The following ZIC4 variants were observed in gnomAD, a reference collection of about 807,000 sequenced individuals.
ZIC4 encodes the protein Zic family zinc finger 4, also known as zinc finger protein ZIC 4.
Under a neutral mutation model 28.8 loss-of-function variants are expected in ZIC4, and 15 were observed. The observed-to-expected ratio is 0.52, with a 90% confidence interval of 0.35 to 0.80. The LOEUF (loss-of-function observed/expected upper bound fraction) is 0.80. ZIC4 is among the 30% of genes least tolerant of loss of function. ZIC4 has a pLI of 0.01. For missense variants in ZIC4, 512 were observed against 467.1 expected, an observed-to-expected ratio of 1.10 and a Z score of -0.89; for synonymous variants, 220 against 198.1, an observed-to-expected ratio of 1.11 and a Z score of -0.93.
chr3:147,390,931 C>A lies in ZIC4; in HGVS notation c.1004G>T (p.Ter335LeuextTer15). 1 of 1,607,460 alleles carries A rather than the reference C, an allele frequency of 6.2e-7. No homozygotes were observed. The highest frequency in any genetic ancestry group is 1.1e-5 in the South Asian group (1 of 90,310). Residue 335 changes from the stop codon to leucine, a stop_lost and splice_region_variant, in exon 4 of 5, where the codon TGA (stop) becomes TTA (leucine). Coordinates refer to ENST00000383075, the MANE Select transcript of ZIC4 (RefSeq NM_032153.6). The part of the protein sequence containing the change: ...VAARTADLSE[*>L] Reference sequence around the variant, plus strand: ...GGGGCCCAAGCCCTGACACACGTACCATTCGCTCAAGTCGGCGGTACGCGC... The same window carrying A: ...GGGGCCCAAGCCCTGACACACGTACAATTCGCTCAAGTCGGCGGTACGCGC...
Position 147,396,315 on chromosome 3 carries a change from C to T in ZIC4, c.225G>A (p.Pro75=), listed in dbSNP as rs995387172. ...LGLPGDMYAR[P]EPFPPGPAAR... The stretch of plus-strand genomic sequence containing the variant: ...CCGCAGGCCCTGGCGGGAAGGGCTC[C>T]GGCCGCGCGTACATGTCTCCAGGGA... Residue 75 remains proline (P), a synonymous_variant, in exon 3 of 5, where the codon CCG becomes CCA. Coordinates refer to ENST00000383075, the MANE Select transcript of ZIC4 (RefSeq NM_032153.6). The surrounding 1 kb of genome is among the most constrained non-coding windows in gnomAD (Gnocchi z 4.2). 5 of 1,597,356 alleles carry T rather than the reference C, an allele frequency of 3.1e-6. No homozygotes were observed. The highest frequency in any genetic ancestry group is 2.2e-5 in the East Asian group (1 of 44,618).
At chr3:147,397,828 C>A (rs1287781520) in intron 2 of ZIC4, among the ~76,000 whole-genome samples, 2 of 152,306 alleles carry the variant, frequency 1.3e-5, no homozygotes, top group Admixed American at 6.5e-5. Flanking sequence ...TTTCCCTCAT[C>A]TTTCTGGTCC....
Position 147,396,435 on chromosome 3 carries a change from G to T in ZIC4, c.105C>A (p.Thr35=). The change falls in exon 3 of 5, where the codon ACC becomes ACA. Residue 35 remains threonine (T), a synonymous_variant. Coordinates refer to ENST00000383075, the MANE Select transcript of ZIC4 (RefSeq NM_032153.6). The surrounding 1 kb of genome is among the most constrained non-coding windows in gnomAD (Gnocchi z 4.2). Reference sequence around the variant, plus strand: ...GGAACACCGAGGGGCTGGAGGCGGCGGTGAGCTGGGGGCCATGGTGTCCAG... The same window carrying T: ...GGAACACCGAGGGGCTGGAGGCGGCTGTGAGCTGGGGGCCATGGTGTCCAG... ...SSSGHHGPQL[T]AASSPSVFPG... The T allele has an allele frequency of 6.6e-7, 1 of 1,521,076 alleles. No individual in the cohort carries two copies. The highest frequency in any genetic ancestry group is 8.8e-7 in the Non-Finnish European group (1 of 1,138,638). 94.2% of individuals were successfully genotyped at this position (1,521,076 alleles called of 1,614,324 possible).
chr3:147,394,405 C>G (rs1260368718), intron 3 of ZIC4, among the ~76,000 whole-genome samples: 3 of 150,736 alleles, frequency 2.0e-5, no homozygotes, highest in Non-Finnish European at 2.9e-5. Context: ...AAGAATTTAA[C>G]CATTTTCTGC....
At chr3:147,390,826 C>T (rs965845951) in intron 4 of ZIC4, 105 bp downstream of exon 4, 40 of 1,383,408 alleles carry the variant, frequency 2.9e-5, no homozygotes, top group Non-Finnish European at 3.9e-5. Flanking sequence ...AGAGGCAGCC[C>T]TAATACCGGA....
At chr3:147,405,652 A>T (rs2087258421) in intron 1 of ZIC4, 2 of 700,218 alleles carry the variant, frequency 2.9e-6, no homozygotes, top group Admixed American at 2.5e-5. Flanking sequence ...CGCATTGGAG[A>T]TAAAGAAAGC....
In ZIC4 at chr3:147,387,545, T is replaced by TC. The variant is rs760177419; in HGVS notation, c.*1313dup. 2.6e-5 allele frequency: 4 copies of TC among 152,612 alleles called. No individual in the cohort carries two copies. The highest frequency in any genetic ancestry group is 4.4e-5 in the Non-Finnish European group (3 of 68,032). 9.5% of individuals were successfully genotyped at this position (152,612 alleles called of 1,614,324 possible). On this transcript the variant is annotated 3_prime_UTR_variant, in exon 5 of 5. Transcript: ENST00000383075. ...AGACTCCACTGTTTGATTTTTTTTT[T>TC]CACTGTGTTTATTTTTCCCCTATTC...
intron 3 of ZIC4, chr3:147,392,134 G>T (rs1263705166): frequency 1.0e-5 from 10 of 985,664 alleles, no homozygotes; most frequent in Non-Finnish European, 1.2e-5. Context: ...TGGCTGTCGG[G>T]CCTCTCGGTC....
intron 1 of ZIC4, chr3:147,404,386 C>G: frequency 1.1e-6 from 1 of 944,530 alleles, no homozygotes. Flanking sequence ...TTAGGAGGCT[C>G]TCTGTAGCGT....
intron 4 of ZIC4, among the ~76,000 whole-genome samples, chr3:147,389,979 G>A (rs2086879432): frequency 6.6e-6 from 1 of 152,170 alleles, no homozygotes. Context: ...TACAGGGGTT[G>A]GGGTGGGAAA....
chr3:147,397,112 C>T (rs1052360462), intron 2 of ZIC4: 10 of 151,982 alleles, frequency 6.6e-5, no homozygotes, highest in African/African-American at 2.4e-4. Flanking sequence ...TCTTCTTCTT[C>T]CCAAGGTTTG....
rs550653191 is a variant in ZIC4, at chr3:147,398,556, C to T, written c.71-2087G>A. ...GGCGAGCGGTAGTCCTTTGTCTGAG[C>T]CGACCGGCTAAGGTCAGCTGCGTCG... On this transcript the variant is annotated intron_variant, in intron 2 of 4. Coordinates refer to ENST00000383075, the MANE Select transcript of ZIC4 (RefSeq NM_032153.6). Among the ~76,000 whole-genome samples, 209 of 152,230 alleles carry T rather than the reference C, an allele frequency of 1.4e-3. 1 individual carries two copies. The highest frequency in any genetic ancestry group is 4.9e-3 in the African/African-American group (203 of 41,548).
intron 2 of ZIC4, among the ~76,000 whole-genome samples, chr3:147,398,871 T>A (rs1186492126): frequency 6.6e-6 from 1 of 151,926 alleles, no homozygotes; most frequent in Non-Finnish European, 1.5e-5. Flanking sequence ...GGTCAGTAAA[T>A]AAGGCCTTAA....
In ZIC4 at chr3:147,397,595, G is replaced by A. The variant is rs529212417; in HGVS notation, c.71-1126C>T. 3.0e-4 allele frequency among the ~76,000 whole-genome samples: 45 copies of A among 152,174 alleles called. No individual in the cohort carries two copies. The South Asian group carries it at 8.9e-3, about 30-fold the overall frequency. ...TTATGCCACCATTCACCACAACTTT[G>A]GGGAGGCAGCATTGCGGGACCTCAG... On this transcript the variant is annotated intron_variant, in intron 2 of 4. Transcript: ENST00000383075.
chr3:147,389,046 C>T, intron 4 of ZIC4, 187 bp from the exon 5 acceptor site: 1 of 613,618 alleles, frequency 1.6e-6, no homozygotes. Context: ...CCGCAAATGC[C>T]CTCTGCACCT....
At chr3:147,392,170 G>C in intron 3 of ZIC4, 1 of 985,664 alleles carries the variant, frequency 1.0e-6, no homozygotes. Context: ...GGCGCGGTAG[G>C]GTCCGCACAG....
chr3:147,389,315 C>T, intron 4 of ZIC4: 1 of 167,388 alleles, frequency 6.0e-6, no homozygotes, highest in Non-Finnish European at 1.3e-5. Context: ...TGCTAATTGT[C>T]TAATTGCGTC....
chr3:147,404,484 T>C (rs1276135904), intron 1 of ZIC4, among the ~76,000 whole-genome samples: 2 of 152,228 alleles, frequency 1.3e-5, no homozygotes, highest in Non-Finnish European at 2.9e-5. Context: ...GCCAGTCATC[T>C]TGCTGAAAGA....
intron 4 of ZIC4, chr3:147,389,437 T>C (rs2086862615): frequency 6.6e-6 from 1 of 152,408 alleles, no homozygotes; most frequent in Non-Finnish European, 1.5e-5. Context: ...AGAGAAAACC[T>C]ACCTCCCTCC....
Sources: gnomAD v4.1 joint callset for allele counts (sites outside exome capture counted in the v4.1 genomes callset) on GRCh38, gnomAD v4.1.1 for gene constraint, Gnocchi (gnomAD v3.1) non-coding constraint, MANE v1.5 for transcripts, NCBI Gene and HGNC (gene_info 2026-07-23, HGNC 2026-07-21) for gene names.